Variants in SLC1A2 observed in about 807,000 individuals in gnomAD.
The protein encoded by SLC1A2 is solute carrier family 1 member 2.
Under a neutral mutation model 48.8 loss-of-function variants are expected in SLC1A2, and 15 were observed. The ratio of observed to expected loss-of-function variants is 0.31; its 90% CI spans 0.21 to 0.47. The LOEUF (loss-of-function observed/expected upper bound fraction) is 0.47. Among genes scored for constraint, SLC1A2 ranks in the 20% least tolerant of loss-of-function variants. The pLI is 0.99. For synonymous variants in SLC1A2, 279 were observed against 272.6 expected, an observed-to-expected ratio of 1.02 and a Z score of -0.23; for missense variants, 502 against 730.5, an observed-to-expected ratio of 0.69 and a Z score of 3.61.
intron 1 of SLC1A2, among the ~76,000 whole-genome samples, chr11:35,405,444 A>C (rs942307121): frequency 4.6e-5 from 7 of 150,676 alleles, no homozygotes; most frequent in Middle Eastern, 3.4e-3. Context: ...TAACTAATGT[A>C]ATTGAAAAAT....
intron 9 of SLC1A2, among the ~76,000 whole-genome samples, chr11:35,275,015 T>A (rs186386124): frequency 2.2e-4 from 33 of 152,070 alleles, no homozygotes; most frequent in East Asian, 1.2e-3. Context: ...GAAGGGAGAG[T>A]CCCTGGAGAT....
intron 1 of SLC1A2, among the ~76,000 whole-genome samples, chr11:35,362,524 T>C (rs571795511): frequency 1.3e-5 from 2 of 152,302 alleles, no homozygotes; most frequent in South Asian, 4.2e-4. Flanking sequence ...CCTCAAATAC[T>C]TCATTCATAC....
intron 7 of SLC1A2, among the ~76,000 whole-genome samples, chr11:35,287,959 G>A (rs944512637): frequency 6.6e-6 from 1 of 152,136 alleles, no homozygotes; most frequent in African/African-American, 2.4e-5. Flanking sequence ...AACCTGCAAT[G>A]CAGATAACAT....
intron 10 of SLC1A2, 91 bp downstream of exon 10, chr11:35,265,436 A>G (rs1950464590): frequency 7.1e-6 from 5 of 705,720 alleles, no homozygotes; most frequent in South Asian, 1.8e-5. Flanking sequence ...TGACAATAAT[A>G]CATGCAGGGC....
intron 1 of SLC1A2, among the ~76,000 whole-genome samples, chr11:35,349,254 C>T (rs4755397): frequency 0.19 from 29,573 of 152,006 alleles, 3,186 homozygotes; most frequent in Middle Eastern, 0.27. Context: ...AGCGCCAAAT[C>T]GAAAGGGAGA....
chr11:35,418,841 C>G (rs1350967335), intron 1 of SLC1A2, 109 bp downstream of exon 1: 2 of 960,544 alleles, frequency 2.1e-6, no homozygotes, highest in Admixed American at 4.1e-5. Flanking sequence ...GCTCCGCCAC[C>G]ACCTCCGAGG....
At chr11:35,329,871 A>G (rs1220483516) in intron 1 of SLC1A2, among the ~76,000 whole-genome samples, 2 of 152,190 alleles carry the variant, frequency 1.3e-5, no homozygotes, top group Non-Finnish European at 2.9e-5. Flanking sequence ...ACCTAATAAT[A>G]ACAGTTGCCA....
chr11:35,316,753 G>A (rs1330033027), intron 2 of SLC1A2: 3 of 152,250 alleles, frequency 2.0e-5, no homozygotes, highest in African/African-American at 4.8e-5. Context: ...AAACCCTCAC[G>A]GGAATCTTAA....
At chr11:35,364,248 A>T (rs1853772815) in intron 1 of SLC1A2, among the ~76,000 whole-genome samples, 1 of 152,178 alleles carries the variant, frequency 6.6e-6, no homozygotes, top group Non-Finnish European at 1.5e-5. Flanking sequence ...AGCAATGGAA[A>T]GTTTTCCTTT....
intron 1 of SLC1A2, among the ~76,000 whole-genome samples, chr11:35,357,480 G>A (rs550318765): frequency 3.3e-5 from 5 of 152,246 alleles, no homozygotes; most frequent in South Asian, 2.1e-4. Flanking sequence ...CATGAACCTC[G>A]TAACTTCATT....
chr11:35,380,482 T>C, intron 1 of SLC1A2: 1 of 398,532 alleles, frequency 2.5e-6, no homozygotes, highest in Non-Finnish European at 4.4e-6. Flanking sequence ...CCAGCTAATC[T>C]GTGCGACTCC....
intron 1 of SLC1A2, among the ~76,000 whole-genome samples, chr11:35,379,989 C>T (rs113368193): frequency 0.021 from 3,187 of 152,274 alleles, 114 homozygotes; most frequent in African/African-American, 0.073. Flanking sequence ...ACGCTGATAC[C>T]GGGTCAGGTT....
intron 1 of SLC1A2, among the ~76,000 whole-genome samples, chr11:35,408,089 G>A (rs967475666): frequency 1.3e-5 from 2 of 151,732 alleles, no homozygotes; most frequent in South Asian, 2.1e-4. Flanking sequence ...CACTTACCTC[G>A]CCCCCATTTG....
At chr11:35,304,897 A>T (rs1851458614) in intron 5 of SLC1A2, among the ~76,000 whole-genome samples, 1 of 152,210 alleles carries the variant, frequency 6.6e-6, no homozygotes, top group Non-Finnish European at 1.5e-5. Context: ...ATTCAAATTT[A>T]TCCAGGCATT....
At chr11:35,265,823 G>T in intron 9 of SLC1A2, 65 bp from the exon 10 acceptor site, 1 of 1,003,784 alleles carries the variant, frequency 1.0e-6, no homozygotes, top group Non-Finnish European at 1.5e-6. Context: ...GAGAGGTCAA[G>T]GTCTGGAGTC....
In SLC1A2 at chr11:35,306,108, C is replaced by T; in HGVS notation, c.696G>A (p.Lys232=). The T allele has an allele frequency of 6.2e-7, 1 of 1,614,016 alleles. No individual in the cohort carries two copies. The highest frequency in any genetic ancestry group is 1.3e-5 in the African/African-American group (1 of 75,026). ...TCATCCCATCCTTGAACTCCAGGCC[C>T]TTCTTGATAACCATCTTAGTCTCCT... ...VPEETKMVIK[K]GLEFKDGMNV... Residue 232 remains lysine, a synonymous_variant, in exon 5 of 11, where the codon AAG becomes AAA. Transcript: ENST00000278379.
At chr11:35,377,295 A>G (rs1035995186) in intron 1 of SLC1A2, among the ~76,000 whole-genome samples, 4 of 152,220 alleles carry the variant, frequency 2.6e-5, no homozygotes, top group African/African-American at 9.6e-5. Context: ...GACTGTAGGC[A>G]TCTTTTTCCT....
In SLC1A2 at chr11:35,352,169, A is replaced by G. The variant is rs202078409; in HGVS notation, c.18-34653T>C. On this transcript the variant is annotated intron_variant, in intron 1 of 10. Coordinates refer to ENST00000278379, the MANE Select transcript of SLC1A2 (RefSeq NM_004171.4). ...AAAAAAGTCCATATGACTCAGAGTA[A>G]AAACAAAGAACTACTTAATCTATAA... The G allele has an allele frequency of 7.9e-5, 12 of 152,374 alleles. No homozygotes were observed. In the East Asian group the frequency reaches 2.3e-3, roughly 29 times the overall value. The allele number at this position is 152,374 out of a possible 1,614,324, so 9.4% of individuals were successfully genotyped here. A position where few individuals can be genotyped will look rare whatever the true frequency, so the allele number is the denominator to read the frequency against.
At chr11:35,385,617 A>G (rs1044665143) in intron 1 of SLC1A2, among the ~76,000 whole-genome samples, 4 of 152,204 alleles carry the variant, frequency 2.6e-5, no homozygotes, top group African/African-American at 7.2e-5. Flanking sequence ...CAGGCCGGCC[A>G]TCTGCTTTTC....
Sources: allele counts gnomAD v4.1 joint callset (sites outside exome capture counted in the v4.1 genomes callset), GRCh38; gene constraint gnomAD v4.1.1; transcripts MANE v1.5; gene names NCBI Gene and HGNC (gene_info 2026-07-23, HGNC 2026-07-21).